The following MCU variants were observed in gnomAD, a reference collection of about 807,000 sequenced individuals.
MCU encodes the protein calcium uniporter protein, mitochondrial.
MCU carries 12 observed loss-of-function variants against 45.2 expected under a neutral mutation model. The ratio of observed to expected loss-of-function variants is 0.27; its 90% CI spans 0.17 to 0.43. MCU has a LOEUF of 0.43. MCU is among the 20% of genes least tolerant of loss of function. The pLI is 1.00. For missense variants in MCU, 324 were observed against 436.7 expected, an observed-to-expected ratio of 0.74 and a Z score of 2.30; for synonymous variants, 160 against 165.1, an observed-to-expected ratio of 0.97 and a Z score of 0.24.
At chr10:72,703,390 G>T (rs1001719576) in intron 1 of MCU, among the ~76,000 whole-genome samples, 1 of 152,188 alleles carries the variant, frequency 6.6e-6, no homozygotes. Flanking sequence ...ACAGCTAGCA[G>T]ATGTCACACC....
intron 1 of MCU, among the ~76,000 whole-genome samples, chr10:72,742,349 A>G (rs938360942): frequency 2.6e-5 from 4 of 152,180 alleles, no homozygotes; most frequent in African/African-American, 9.7e-5. Context: ...CCCATTGTGA[A>G]GGAACACGGG....
At chr10:72,798,849 CAAACT>C (rs930135079) in intron 1 of MCU, among the ~76,000 whole-genome samples, 29 of 152,224 alleles carry the variant, frequency 1.9e-4, no homozygotes, top group African/African-American at 7.0e-4. Flanking sequence ...AATATAAAAT[CAAACT>C]ATATTTAATT....
At chr10:72,842,249 G>T (rs1016152175) in intron 2 of MCU, among the ~76,000 whole-genome samples, 4 of 152,142 alleles carry the variant, frequency 2.6e-5, no homozygotes, top group African/African-American at 9.7e-5. Context: ...AGTTTTGTCA[G>T]TTTCTCTGTA....
In MCU at chr10:72,706,244, A is replaced by G. The variant is rs535763051; in HGVS notation, c.150+13943A>G. On this transcript the variant is annotated intron_variant, in intron 1 of 7. Coordinates refer to ENST00000373053, the MANE Select transcript of MCU (RefSeq NM_138357.3). ...ATCTTTTTTTTTTTTTTAAGTAGCC[A>G]TTACTAAGCATGAAACCTTTTCGTA... 6.7e-5 allele frequency among the ~76,000 whole-genome samples: 10 copies of G among 149,360 alleles called. 1 individual carries two copies. Among genetic ancestry groups the G allele is most frequent in the Admixed American group, 6.0e-4 (9 of 14,932 alleles).
intron 1 of MCU, among the ~76,000 whole-genome samples, chr10:72,729,952 CTTT>C (rs58668483): frequency 0.4 from 35,253 of 87,798 alleles, 5,578 homozygotes; most frequent in Middle Eastern, 0.61. Context: ...CTTCAGCATT[CTTT>C]TTTTTTTTTT....
intron 6 of MCU, among the ~76,000 whole-genome samples, chr10:72,881,304 C>T (rs1328406446): frequency 6.6e-6 from 1 of 152,132 alleles, no homozygotes; most frequent in Non-Finnish European, 1.5e-5. Flanking sequence ...TAGCTATTCT[C>T]TTATAGCTCC....
intron 1 of MCU, among the ~76,000 whole-genome samples, chr10:72,817,175 T>C (rs1844640640): frequency 6.6e-6 from 1 of 152,172 alleles, no homozygotes; most frequent in African/African-American, 2.4e-5. Flanking sequence ...CCTATATCTA[T>C]GTATATTTCA....
chr10:72,854,322 A>G (rs1043086098), intron 2 of MCU, among the ~76,000 whole-genome samples: 2 of 152,152 alleles, frequency 1.3e-5, no homozygotes, highest in Non-Finnish European at 2.9e-5. Flanking sequence ...AAAAAGGCAG[A>G]CAGAGGAAAA....
chr10:72,767,165 A>T (rs1296430402), intron 1 of MCU: 2 of 152,144 alleles, frequency 1.3e-5, no homozygotes, highest in Non-Finnish European at 1.5e-5. Context: ...TGTGAAAAGG[A>T]TGATTTCATG....
chr10:72,771,346 C>T (rs1014671631), intron 1 of MCU, among the ~76,000 whole-genome samples: 6 of 152,296 alleles, frequency 3.9e-5, no homozygotes, highest in South Asian at 4.1e-4. Flanking sequence ...CCAGCTCTAT[C>T]CATGTCCCTG....
chr10:72,808,647 T>C (rs751385176), intron 1 of MCU, among the ~76,000 whole-genome samples: 1 of 152,160 alleles, frequency 6.6e-6, no homozygotes, highest in African/African-American at 2.4e-5. Flanking sequence ...ACTGGGTAAT[T>C]TATAAAGAAG....
At chr10:72,770,727 C>G (rs933277929) in intron 1 of MCU, among the ~76,000 whole-genome samples, 1 of 152,026 alleles carries the variant, frequency 6.6e-6, no homozygotes. Flanking sequence ...ATGTTTGCCT[C>G]TACTTACTTT....
chr10:72,815,471 G>T (rs1429097371), intron 1 of MCU, among the ~76,000 whole-genome samples: 2 of 152,168 alleles, frequency 1.3e-5, no homozygotes, highest in Non-Finnish European at 2.9e-5. Flanking sequence ...TGAAAATATG[G>T]AACTTAAATG....
rs544419818 is a variant in MCU, at chr10:72,743,014, G to A, written c.150+50713G>A. Among the ~76,000 whole-genome samples the A allele has an allele frequency of 1.0e-3, 154 of 152,000 alleles. 1 individual carries two copies. The Middle Eastern group carries it at 0.01, about 10-fold the overall frequency. ...GTGTGTGAGAGAGTGAAGTGAGAGA[G>A]TATGAGAGAGAGGGTGAGGGGGAGA... On this transcript the variant is annotated intron_variant, in intron 1 of 7. Coordinates refer to ENST00000373053, the MANE Select transcript of MCU (RefSeq NM_138357.3).
At chr10:72,753,010 C>G (rs1333333906) in intron 1 of MCU, among the ~76,000 whole-genome samples, 1 of 152,134 alleles carries the variant, frequency 6.6e-6, no homozygotes, top group Non-Finnish European at 1.5e-5. Context: ...AAAACACCAT[C>G]TTTTCTATTG....
At chr10:72,853,884 A>G (rs1845247019) in intron 2 of MCU, among the ~76,000 whole-genome samples, 1 of 152,070 alleles carries the variant, frequency 6.6e-6, no homozygotes, top group Non-Finnish European at 1.5e-5. Flanking sequence ...TAGCTGGCCC[A>G]GCACTTTGGG....
intron 2 of MCU, among the ~76,000 whole-genome samples, chr10:72,849,098 G>A (rs1304255153): frequency 6.6e-6 from 1 of 151,882 alleles, no homozygotes; most frequent in Non-Finnish European, 1.5e-5. Context: ...GGCCAACATA[G>A]TGAAACCATG....
intron 1 of MCU, among the ~76,000 whole-genome samples, chr10:72,796,687 G>GTTTTTTTTTTTT (rs1193797087): frequency 8.9e-6 from 1 of 112,378 alleles, no homozygotes; most frequent in Non-Finnish European, 2.3e-5. Context: ...CTACTTTTTA[G>GTTTTTTTTTTTT]TTTTTGTTTT....
chr10:72,797,794 C>G (rs556322853), intron 1 of MCU, among the ~76,000 whole-genome samples: 17 of 152,086 alleles, frequency 1.1e-4, no homozygotes, highest in Non-Finnish European at 1.9e-4. Flanking sequence ...CTTGGCCTCC[C>G]AAAGTGCTGG....
Sources: gnomAD v4.1 joint callset for allele counts (sites outside exome capture counted in the v4.1 genomes callset) on GRCh38, gnomAD v4.1.1 for gene constraint, MANE v1.5 for transcripts, NCBI Gene and HGNC (gene_info 2026-07-23, HGNC 2026-07-21) for gene names.